MAN2A2: variants seen among roughly 807,000 people sequenced by gnomAD.
MAN2A2 encodes the protein mannosidase alpha class 2A member 2.
A neutral mutation model predicts 126.8 loss-of-function variants in MAN2A2; 79 were observed. The observed-to-expected ratio is 0.62, with a 90% confidence interval of 0.52 to 0.75. MAN2A2 has a LOEUF of 0.75. MAN2A2 is among the 30% of genes least tolerant of loss of function. The pLI is 0.00. For synonymous variants in MAN2A2, 671 were observed against 618.7 expected, an observed-to-expected ratio of 1.08 and a Z score of -1.25; for missense variants, 1,392 against 1,522.4, an observed-to-expected ratio of 0.91 and a Z score of 1.43.
intron 12 of MAN2A2, 75 bp downstream of exon 12, chr15:90,911,036 T>G (rs1596157296): frequency 6.8e-7 from 1 of 1,480,786 alleles, no homozygotes; most frequent in Non-Finnish European, 9.4e-7. Flanking sequence ...TGGATGGGGG[T>G]GCCGCTTCTC....
chr15:90,907,098 C>T, intron 7 of MAN2A2, 185 bp downstream of exon 7: 1 of 874,968 alleles, frequency 1.1e-6, no homozygotes, highest in South Asian at 1.7e-5. Flanking sequence ...TCTACAGGGC[C>T]TGCTGTCCCA....
chr15:90,912,820 A>G, intron 16 of MAN2A2, 57 bp from the exon 17 acceptor site: 6 of 1,561,056 alleles, frequency 3.8e-6, no homozygotes, highest in South Asian at 1.1e-5. Context: ...CTGGGCTGGC[A>G]CCTTCCTGCT....
rs370220086 is a variant in MAN2A2 at position 90,912,969 on chromosome 15, G to T, written c.2562G>T (p.Ala854=). 2.5e-6 allele frequency: 4 copies of T among 1,613,758 alleles called. No individual in the cohort carries two copies. Among genetic ancestry groups the T allele is most frequent in the Non-Finnish European group, 3.4e-6 (4 of 1,179,856 alleles). The part of the protein sequence containing the change: ...VVAYYEHIHQ[A]VRLYNLPGVE... ...CGTACTATGAGCACATTCACCAGGCGGTCCGGCTTTACAATCTGCCAGGTG... is the reference window on the plus strand; with the variant it reads ...CGTACTATGAGCACATTCACCAGGCTGTCCGGCTTTACAATCTGCCAGGTG... Residue 854 remains alanine, a synonymous_variant, in exon 17 of 23, where the codon GCG becomes GCT. Coordinates refer to ENST00000559717, the MANE Select transcript of MAN2A2 (RefSeq NM_006122.4).
upstream of MAN2A2, chr15:90,902,942 G>A (rs1438831103): frequency 6.6e-6 from 1 of 151,152 alleles, no homozygotes; most frequent in Non-Finnish European, 1.5e-5. Context: ...TCGGCCGACT[G>A]GGCCCGGAGC....
At position 90,905,565 on chromosome 15, in the gene MAN2A2, A is replaced by G. The variant is rs748813052; in HGVS notation, c.391-14A>G. On this transcript the variant is annotated splice_polypyrimidine_tract_variant and intron_variant, in intron 3 of 22. Transcript: ENST00000559717. ...GGCCACGACTGGGGTACTGAGCTGC[A>G]GTTCACCTGGCAGATGCTCACTGTG... 1 of 1,614,160 alleles carries G rather than the reference A, an allele frequency of 6.2e-7. No homozygotes were observed. Among genetic ancestry groups the G allele is most frequent in the South Asian group, 1.1e-5 (1 of 91,090 alleles).
At chr15:90,914,161 T>G (rs2034993372) in intron 19 of MAN2A2, among the ~76,000 whole-genome samples, 1 of 152,176 alleles carries the variant, frequency 6.6e-6, no homozygotes, top group Admixed American at 6.5e-5. Context: ...AGACCCAGGC[T>G]CTACAAAAAG....
rs1430875836 is a variant in MAN2A2, at chr15:90,919,745, G to T, written c.3411G>T (p.Leu1137Phe). 1 of 1,614,198 alleles carries T rather than the reference G, an allele frequency of 6.2e-7. No individual in the cohort carries two copies. Among genetic ancestry groups the T allele is most frequent in the Admixed American group, 1.7e-5 (1 of 60,016 alleles). The change falls in exon 23 of 23, where the codon TTG becomes TTT. Residue 1137 changes from leucine to phenylalanine, a missense_variant. Physicochemically the swap from Leu to Phe is conservative, Grantham distance 22. Transcript: ENST00000559717. ...ASPSNSTDVY[L>F]EPMEIATFRL... ...CGTCCAACAGCACTGACGTCTATTT[G>T]GAGCCCATGGAGATTGCTACCTTTC...
At position 90,910,286 on chromosome 15, in the gene MAN2A2, A is replaced by G; in HGVS notation, c.1571A>G (p.His524Arg). The change falls in exon 10 of 23, where the codon CAC (histidine) becomes CGC (arginine). Residue 524 changes from histidine to arginine, a missense_variant. Coordinates refer to ENST00000559717, the MANE Select transcript of MAN2A2 (RefSeq NM_006122.4). ...YKSLDRVLEA[H>R]LRGAEVLYSL... is the part of the protein sequence containing the mutation. ...AGCTTAGACCGAGTCCTGGAAGCCC[A>G]CCTGCGGTGAGACCCTGTCCCCGCT... is the stretch of plus-strand genomic sequence containing the variant. 6.2e-7 allele frequency: 1 copy of G among 1,613,964 alleles called. No homozygotes were observed. The highest frequency in any genetic ancestry group is 8.5e-7 in the Non-Finnish European group (1 of 1,179,940).
chr15:90,906,238 GT>G (rs2034272626), intron 5 of MAN2A2, 131 bp from the exon 6 acceptor site: 1 of 1,330,428 alleles, frequency 7.5e-7, no homozygotes, highest in Admixed American at 2.1e-5. Flanking sequence ...GAGGGCAAGT[GT>G]GTGTTCTCTT....
intron 8 of MAN2A2, 81 bp downstream of exon 8, chr15:90,907,576 G>T: frequency 7.1e-7 from 1 of 1,400,502 alleles, no homozygotes. Flanking sequence ...TGGAGGGTGG[G>T]CTCAGGTGGT....
At position 90,907,319 on chromosome 15, in the gene MAN2A2, C is replaced by T. The variant is rs1188198573; in HGVS notation, c.1020C>T (p.Ser340=). Residue 340 remains serine (S), a synonymous_variant, in exon 8 of 23, where the codon TCC becomes TCT. Coordinates refer to ENST00000559717, the MANE Select transcript of MAN2A2 (RefSeq NM_006122.4). ...GTGTGTCTCCTGCAGACTCGGACTC[C>T]AGCACAGACATCTTCTGTCACATGA... ...FMWRQTWDSD[S]STDIFCHMMP... 3.7e-6 allele frequency: 6 copies of T among 1,613,742 alleles called. No individual in the cohort carries two copies. The East Asian group carries it at 1.3e-4, about 36-fold the overall frequency.
chr15:90,913,868 C>T (rs2034972425), intron 19 of MAN2A2, 113 bp downstream of exon 19: 2 of 1,343,430 alleles, frequency 1.5e-6, no homozygotes, highest in Non-Finnish European at 2.0e-6. Context: ...GACTGCATCA[C>T]CTCCATGCTT....
chr15:90,913,302 T>C lies in MAN2A2; in HGVS notation c.2614T>C (p.Ser872Pro), dbSNP rs761642279. The C allele has an allele frequency of 1.8e-5, 29 of 1,613,910 alleles. No individual in the cohort carries two copies. Among genetic ancestry groups the C allele is most frequent in the Non-Finnish European group, 2.5e-5 (29 of 1,179,990 alleles). The change falls in exon 18 of 23, where the codon TCC (serine) becomes CCC (proline). Residue 872 changes from serine to proline, a missense_variant. Transcript: ENST00000559717. The stretch of plus-strand genomic sequence containing the variant: ...GGAGGGGCTGTCTCTGGACATATCA[T>C]CCCTGGTGGACATCCGGGACTACGT... The part of the protein sequence containing the change: ...GVEGLSLDIS[S>P]LVDIRDYVNK...
At chr15:90,907,901 G>C (rs563631119) in intron 8 of MAN2A2, among the ~76,000 whole-genome samples, 2 of 152,176 alleles carry the variant, frequency 1.3e-5, no homozygotes, top group Non-Finnish European at 2.9e-5. Flanking sequence ...TGAGAAAACA[G>C]ACCTGTCCCT....
At position 90,906,444 on chromosome 15, in the gene MAN2A2, T is replaced by A. The variant is rs2034290985; in HGVS notation, c.782T>A (p.Phe261Tyr). Residue 261 changes from phenylalanine to tyrosine, a missense_variant, in exon 6 of 23, where the codon TTT becomes TAT. Physicochemically the swap from Phe to Tyr is conservative, Grantham distance 22 (BLOSUM62 3). Transcript: ENST00000559717. Reference sequence around the variant, plus strand: ...CCAGATGAGGCCAATTCCCACTACTTTGCATTGATTGACCAGCTCATCGAA... The same window carrying A: ...CCAGATGAGGCCAATTCCCACTACTATGCATTGATTGACCAGCTCATCGAA... ...VMPDEANSHY[F>Y]ALIDQLIEGH... The A allele has an allele frequency of 6.2e-7, 1 of 1,614,000 alleles. No homozygotes were observed. The highest frequency in any genetic ancestry group is 1.3e-5 in the African/African-American group (1 of 74,892).
rs1313068432 is a variant in MAN2A2 at position 90,911,327 on chromosome 15, G to GGCGCTT, written c.1944-55_1944-50dup. The GGCGCTT allele has an allele frequency of 3.7e-6, 6 of 1,613,416 alleles. No individual in the cohort carries two copies. In the South Asian group the frequency reaches 6.6e-5, roughly 18 times the overall value. The stretch of plus-strand genomic sequence containing the variant: ...CCCAGCATGTGCTGAACCAGTGCAG[G>GGCGCTT]GCGCTTGCCCTGGTCGGAAGCAGCA... On this transcript the variant is annotated intron_variant, in intron 13 of 22. Transcript: ENST00000559717.
intron 14 of MAN2A2, chr15:90,911,788 C>T (rs1235861013): frequency 3.3e-6 from 2 of 603,686 alleles, no homozygotes; most frequent in African/African-American, 3.7e-5. Flanking sequence ...AGTTATAATG[C>T]CCCATCATTC....
intron 2 of MAN2A2, 117 bp downstream of exon 2, chr15:90,904,456 G>A (rs2238340): frequency 0.28 from 330,173 of 1,160,512 alleles, 49,062 homozygotes; most frequent in East Asian, 0.56. Flanking sequence ...GTCAGTACAG[G>A]ACAGGAGCCT....
chr15:90,918,085 A>G, intron 20 of MAN2A2, 109 bp from the exon 21 acceptor site: 3 of 1,053,570 alleles, frequency 2.8e-6, no homozygotes. Flanking sequence ...CAGGCACACC[A>G]GGAAAGGTCT....
Sources: allele counts gnomAD v4.1 joint callset (sites outside exome capture counted in the v4.1 genomes callset), GRCh38; gene constraint gnomAD v4.1.1; transcripts MANE v1.5; gene names NCBI Gene and HGNC (gene_info 2026-07-23, HGNC 2026-07-21).